Variants in MTOR observed in about 807,000 individuals in gnomAD.
MTOR encodes serine/threonine-protein kinase mTOR.
MTOR carries 70 observed loss-of-function variants against 319.8 expected under a neutral mutation model. The observed-to-expected ratio is 0.22, with a 90% confidence interval of 0.18 to 0.27. The LOEUF (loss-of-function observed/expected upper bound fraction) is 0.27, where lower values mean the gene tolerates loss of function less well. MTOR is among the 10% of genes least tolerant of loss of function. MTOR has a pLI of 1.00. For missense variants in MTOR, 1,890 were observed against 3,274.4 expected, an observed-to-expected ratio of 0.58 and a Z score of 10.32; for synonymous variants, 1,183 against 1,211.4, an observed-to-expected ratio of 0.98 and a Z score of 0.49.
rs1203792030 is a variant in MTOR, at chr1:11,128,227, A to G, written c.5911-101T>C. On this transcript the variant is annotated intron_variant, in intron 42 of 57. Coordinates refer to ENST00000361445, the MANE Select transcript of MTOR (RefSeq NM_004958.4). This position sits in a 1 kb window ranked among gnomAD's most constrained non-coding sequence, Gnocchi z 5.3. ...TAACAAAACAAGTGGTGAGTGTGAC[A>G]TTAACATCTGCTTGAGACTACCAGG... is the stretch of plus-strand genomic sequence containing the variant. The G allele has an allele frequency of 4.7e-6, 7 of 1,500,854 alleles. No individual in the cohort carries two copies. The highest frequency in any genetic ancestry group is 6.4e-6 in the Non-Finnish European group (7 of 1,101,256). 93.0% of individuals were successfully genotyped at this position (1,500,854 alleles called of 1,614,324 possible).
intron 6 of MTOR, among the ~76,000 whole-genome samples, chr1:11,251,658 T>C (rs1373684987): frequency 6.8e-6 from 1 of 148,072 alleles, no homozygotes; most frequent in African/African-American, 2.5e-5. Context: ...ATAGTTTCTT[T>C]TTTTTTTTTT....
At chr1:11,218,265 A>C (rs1055983184) in intron 19 of MTOR, among the ~76,000 whole-genome samples, 5 of 152,054 alleles carry the variant, frequency 3.3e-5, no homozygotes, top group Non-Finnish European at 5.9e-5. Flanking sequence ...CCCCATCTCT[A>C]CTAAAAATAC....
chr1:11,134,133 C>T (rs1157738718), intron 37 of MTOR, among the ~76,000 whole-genome samples: 4 of 152,066 alleles, frequency 2.6e-5, no homozygotes, highest in African/African-American at 2.4e-5. Flanking sequence ...GCCAGGAGAA[C>T]AGCACATGGG....
intron 30 of MTOR, 146 bp from the exon 31 acceptor site, chr1:11,150,372 A>G: frequency 1.6e-6 from 1 of 622,902 alleles, no homozygotes; most frequent in East Asian, 2.9e-5. Flanking sequence ...CACATAATAG[A>G]GAATCAATGG....
intron 29 of MTOR, among the ~76,000 whole-genome samples, chr1:11,166,923 G>T (rs1557795338): frequency 6.6e-6 from 1 of 152,050 alleles, no homozygotes. Flanking sequence ...CCATAAAAAA[G>T]GATGAGTTCA....
chr1:11,238,349 A>G (rs1025349246), intron 12 of MTOR, 53 bp downstream of exon 12: 15 of 1,581,098 alleles, frequency 9.5e-6, no homozygotes, highest in Admixed American at 3.3e-5. Flanking sequence ...GCTACTCCCA[A>G]TTGTCCTAAG....
chr1:11,258,247 C>T (rs1329833259), intron 3 of MTOR, among the ~76,000 whole-genome samples: 1 of 152,208 alleles, frequency 6.6e-6, no homozygotes, highest in African/African-American at 2.4e-5. Context: ...AGAAAGCTGG[C>T]TTCTAGTCTC....
intron 29 of MTOR, among the ~76,000 whole-genome samples, chr1:11,159,512 A>G (rs1258575918): frequency 2.0e-5 from 3 of 152,080 alleles, no homozygotes; most frequent in African/African-American, 7.2e-5. Flanking sequence ...GTGGTGGTGC[A>G]TGCCTGTAAT....
intron 28 of MTOR, among the ~76,000 whole-genome samples, chr1:11,170,931 A>C (rs764147554): frequency 3.3e-5 from 5 of 151,836 alleles, no homozygotes; most frequent in Admixed American, 2.0e-4. Flanking sequence ...AGAAGAAACT[A>C]ACTCTAAGAA....
intron 13 of MTOR, among the ~76,000 whole-genome samples, chr1:11,236,442 T>C (rs1647236182): frequency 6.6e-6 from 1 of 150,932 alleles, no homozygotes; most frequent in African/African-American, 2.4e-5. Context: ...CTCAGCCGTT[T>C]AGGAGATATT....
chr1:11,241,470 C>T, intron 10 of MTOR, 83 bp downstream of exon 10: 2 of 1,492,356 alleles, frequency 1.3e-6, no homozygotes, highest in Non-Finnish European at 1.8e-6. Context: ...TGCAAACAAC[C>T]ATGCCTCATT....
Position 11,209,193 on chromosome 1 carries a change from G to C in MTOR, c.3801+119C>G, listed in dbSNP as rs926628306. 32 of 1,246,804 alleles carry C rather than the reference G, an allele frequency of 2.6e-5. No individual in the cohort carries two copies. The Middle Eastern group carries it at 6.3e-4, about 25-fold the overall frequency. The allele number at this position is 1,246,804 out of a possible 1,614,324, so 77.2% of individuals were successfully genotyped here. A position where few individuals can be genotyped will look rare whatever the true frequency, so the allele number is the denominator to read the frequency against. The stretch of plus-strand genomic sequence containing the variant: ...AAATGATCTAAGTTCATGGTATCTA[G>C]ATTTCTGGAAAAAACACCTGGGCTG... On this transcript the variant is annotated intron_variant, in intron 25 of 57. Transcript: ENST00000361445.
At chr1:11,261,818 G>C (rs551821508) in intron 1 of MTOR, among the ~76,000 whole-genome samples, 2 of 152,184 alleles carry the variant, frequency 1.3e-5, no homozygotes, top group South Asian at 4.1e-4. Flanking sequence ...GGCTGGCAAG[G>C]GATTTCTATT....
intron 20 of MTOR, among the ~76,000 whole-genome samples, chr1:11,215,852 A>G (rs1256134758): frequency 2.0e-5 from 3 of 152,228 alleles, no homozygotes; most frequent in Non-Finnish European, 4.4e-5. Flanking sequence ...CCCTTGTGAT[A>G]TTAAAGTAAA....
intron 10 of MTOR, among the ~76,000 whole-genome samples, chr1:11,241,061 A>G (rs998901319): frequency 8.6e-5 from 13 of 151,528 alleles, no homozygotes; most frequent in Non-Finnish European, 1.8e-4. Flanking sequence ...GGTGGCTCAC[A>G]CCTGTAATCT....
Position 11,212,250 on chromosome 1 carries a change from A to G in MTOR, c.3561+62T>C. 2 of 1,540,438 alleles carry G rather than the reference A, an allele frequency of 1.3e-6. No homozygotes were observed. Among genetic ancestry groups the G allele is most frequent in the Non-Finnish European group, 1.7e-6 (2 of 1,143,006 alleles). ...ATCAGACAAAGTCTGAGTGGCTCAC[A>G]GACAAAGTCTTCTTTCCAAATAAGG... On this transcript the variant is annotated intron_variant, in intron 23 of 57. Coordinates refer to ENST00000361445, the MANE Select transcript of MTOR (RefSeq NM_004958.4). The surrounding 1 kb of genome is among the most constrained non-coding windows in gnomAD (Gnocchi z 4.1).
chr1:11,241,448 T>A, intron 10 of MTOR, 105 bp downstream of exon 10: 2 of 1,381,592 alleles, frequency 1.4e-6, no homozygotes, highest in Non-Finnish European at 1.9e-6. Context: ...ATCCTGTCCA[T>A]CCAGTTGAAT....
rs748884894 is a variant in MTOR, at chr1:11,121,309, G to A, written c.6870C>T (p.Ala2290=). Residue 2290 remains alanine, a synonymous_variant, in exon 49 of 58, where the codon GCC becomes GCT. Coordinates refer to ENST00000361445, the MANE Select transcript of MTOR (RefSeq NM_004958.4). This position sits in a 1 kb window ranked among gnomAD's most constrained non-coding sequence, Gnocchi z 4.9. ...GGTCGTCCCCAGCTGTATTATTGAC[G>A]GCATGCTCAAACACCTCCACCTTCT... ...LMQKVEVFEH[A]VNNTAGDDLA... is the part of the protein sequence containing the mutation. The A allele has an allele frequency of 2.7e-5, 44 of 1,613,956 alleles. No individual in the cohort carries two copies. Among genetic ancestry groups the A allele is most frequent in the East Asian group, 8.9e-5 (4 of 44,894 alleles).
Position 11,108,248 on chromosome 1 carries a change from T to C in MTOR, c.7567A>G (p.Thr2523Ala), listed in dbSNP as rs1322781456. ...TGTTTGATGAGCAGCTCAACTTGCG[T>C]TGGAACATCCAAAGTGTCATCATGA... ...FSHDDTLDVP[T>A]QVELLIKQAT... The change falls in exon 57 of 58, where the codon ACG (threonine) becomes GCG (alanine). Residue 2523 changes from threonine to alanine, a missense_variant. Transcript: ENST00000361445. The C allele has an allele frequency of 6.2e-7, 1 of 1,613,950 alleles. No homozygotes were observed. The highest frequency in any genetic ancestry group is 8.5e-7 in the Non-Finnish European group (1 of 1,179,868).
Sources: allele counts gnomAD v4.1 joint callset (sites outside exome capture counted in the v4.1 genomes callset), GRCh38; gene constraint gnomAD v4.1.1; non-coding constraint Gnocchi (gnomAD v3.1); transcripts MANE v1.5; gene names NCBI Gene and HGNC (gene_info 2026-07-23, HGNC 2026-07-21).